SSC5D: variants seen among roughly 807,000 people sequenced by gnomAD.
SSC5D encodes scavenger receptor cysteine rich family member with 5 domains.
SSC5D carries 106 observed loss-of-function variants against 104.6 expected under a neutral mutation model. The ratio of observed to expected loss-of-function variants is 1.01; its 90% CI spans 0.87 to 1.19. The LOEUF (loss-of-function observed/expected upper bound fraction) is 1.19, where lower values mean the gene tolerates loss of function less well. SSC5D is among the 50% of genes most tolerant of loss of function. SSC5D has a pLI of 0.00. For missense variants in SSC5D, 1,993 were observed against 2,153.8 expected (o/e 0.93, Z 1.48); for synonymous variants, 860 against 883.5 (o/e 0.97, Z 0.47).
At position 55,518,759 on chromosome 19, in the gene SSC5D, G is replaced by A; in HGVS notation, c.4483G>A (p.Ala1495Thr). 6.4e-7 allele frequency: 1 copy of A among 1,550,918 alleles called. No individual in the cohort carries two copies. The highest frequency in any genetic ancestry group is 2.4e-5 in the East Asian group (1 of 40,920). Reference sequence around the variant, plus strand: ...GCCACCTGCCCTGGTGGAGCTGGTGGCTGCTGTGAGGGATGTGGGTGGTCA... The same window carrying A: ...GCCACCTGCCCTGGTGGAGCTGGTGACTGCTGTGAGGGATGTGGGTGGTCA... ...CEPPALVELV[A>T]AVRDVGGQLQ... The change falls in exon 14 of 14, where the codon GCT (alanine) becomes ACT (threonine). Residue 1495 changes from alanine to threonine, a missense_variant. Coordinates refer to ENST00000389623, the MANE Select transcript of SSC5D (RefSeq NM_001144950.2).
chr19:55,517,202 T>C (rs759906671), intron 13 of SSC5D, 22 bp from the exon 14 acceptor site: 2 of 1,528,450 alleles, frequency 1.3e-6, no homozygotes, highest in South Asian at 2.4e-5. Context: ...AGACCGTCCG[T>C]CTGTCTTTCC....
At chr19:55,517,179 G>A (rs1467268947) in intron 13 of SSC5D, 45 bp from the exon 14 acceptor site, 2 of 1,483,442 alleles carry the variant, frequency 1.3e-6, no homozygotes, top group Non-Finnish European at 1.8e-6. Flanking sequence ...GGTGGGCGGA[G>A]CCGGTTGACC....
At chr19:55,493,989 G>GGGGGGGGGGGGGGT in intron 7 of SSC5D, 77 bp downstream of exon 7, 1 of 314,438 alleles carries the variant, frequency 3.2e-6, no homozygotes, top group South Asian at 2.3e-5. Context: ...GGCGGGGGCG[G>GGGGGGGGGGGGGGT]GGGGGTCCCT....
chr19:55,517,469 A>G lies in SSC5D; in HGVS notation c.3193A>G (p.Thr1065Ala). Residue 1065 changes from threonine (T) to alanine (A), a missense_variant, in exon 14 of 14, where the codon ACA (threonine) becomes GCA (alanine). Physicochemically the swap from Thr to Ala is moderately conservative, Grantham distance 58. Transcript: ENST00000389623. ...ASRTNPDLIL[T>A]SPDFALSTPD... Reference sequence around the variant, plus strand: ...CCGGACGAACCCCGACCTCATCTTGACAAGCCCTGACTTTGCTTTGTCCAC... The same window carrying G: ...CCGGACGAACCCCGACCTCATCTTGGCAAGCCCTGACTTTGCTTTGTCCAC... 6.4e-7 allele frequency: 1 copy of G among 1,550,884 alleles called. No homozygotes were observed. The highest frequency in any genetic ancestry group is 8.7e-7 in the Non-Finnish European group (1 of 1,146,852).
At chr19:55,495,850 C>T (rs1373953882) in intron 8 of SSC5D, among the ~76,000 whole-genome samples, 2 of 151,760 alleles carry the variant, frequency 1.3e-5, no homozygotes, top group Non-Finnish European at 2.9e-5. Context: ...TCAAGTGATC[C>T]TCCCACCTCC....
chr19:55,510,945 A>G (rs1434057730), intron 12 of SSC5D, among the ~76,000 whole-genome samples: 3 of 151,824 alleles, frequency 2.0e-5, no homozygotes, highest in Admixed American at 2.0e-4. Flanking sequence ...TGCCCAGCTA[A>G]TTTTTGTATT....
In SSC5D at chr19:55,501,852, C is replaced by T. The variant is rs114854805; in HGVS notation, c.2785+651C>T. 3.9e-3 allele frequency among the ~76,000 whole-genome samples: 593 copies of T among 152,302 alleles called. 6 individuals are homozygous for T. Among genetic ancestry groups the T allele is most frequent in the African/African-American group, 0.014 (564 of 41,560 alleles). On this transcript the variant is annotated intron_variant, in intron 12 of 13. Transcript: ENST00000389623. ...GTATCCCCATCTCTCAGGATCCCTG[C>T]GAATCCATCTCTGCTCCTGTTTCTC...
Position 55,517,624 on chromosome 19 carries a change from G to A in SSC5D, c.3348G>A (p.Glu1116=). ...TGACCAGCCTTTCCCCTACCTCAGA[G>A]CAGGTCCCAGAATCTGACACAACCC... is the stretch of plus-strand genomic sequence containing the variant. ...SEVTSLSPTS[E]QVPESDTTPD... The change falls in exon 14 of 14, where the codon GAG becomes GAA. Residue 1116 remains glutamate, a synonymous_variant. Transcript: ENST00000389623. The A allele has an allele frequency of 6.4e-7, 1 of 1,551,572 alleles. No individual in the cohort carries two copies. Among genetic ancestry groups the A allele is most frequent in the Non-Finnish European group, 8.7e-7 (1 of 1,147,010 alleles).
chr19:55,489,456 G>A lies in SSC5D; in HGVS notation c.155G>A (p.Arg52His), dbSNP rs765104028. 312 of 1,481,054 alleles carry A rather than the reference G, an allele frequency of 2.1e-4. No individual in the cohort carries two copies. Among genetic ancestry groups the A allele is most frequent in the Non-Finnish European group, 2.7e-4 (309 of 1,123,788 alleles). The allele number at this position is 1,481,054 out of a possible 1,614,324, so 91.7% of individuals were successfully genotyped here. A position where few individuals can be genotyped will look rare whatever the true frequency, so the allele number is the denominator to read the frequency against. ...GTVCDDGWDL[R>H]DAAVACRQLG... The stretch of plus-strand genomic sequence containing the variant: ...GTGTGTGATGACGGCTGGGACCTGC[G>A]CGATGCCGCCGTGGCCTGCCGGCAG... The change falls in exon 3 of 14, where the codon CGC (arginine) becomes CAC (histidine). Residue 52 changes from arginine (R) to histidine (H), a missense_variant. Transcript: ENST00000389623.
intron 12 of SSC5D, chr19:55,504,084 G>A: frequency 6.5e-7 from 1 of 1,530,346 alleles, no homozygotes; most frequent in Non-Finnish European, 8.8e-7. Flanking sequence ...GTGGGCTCCA[G>A]CTGTGAGTTA....
Position 55,518,373 on chromosome 19 carries a change from TG to T in SSC5D, c.4098del (p.Thr1367ProfsTer17), listed in dbSNP as rs1258805551. 4 of 1,550,804 alleles carry T rather than the reference TG, an allele frequency of 2.6e-6. No individual in the cohort carries two copies. Among genetic ancestry groups the T allele is most frequent in the Non-Finnish European group, 3.5e-6 (4 of 1,146,818 alleles). ...GTCAAGCCCAGTCTGCACCCCCAGTTGACCTTCACAGCACCTGCCCCTCACA... is the reference window on the plus strand; with the variant it reads ...GTCAAGCCCAGTCTGCACCCCCAGTTACCTTCACAGCACCTGCCCCTCACA... Reference protein sequence around the residue: ...PTVKPSLHPQLTFTAPAPHTS... With the variant: ...PTVKPSLHPQXTFTAPAPHTS... On this transcript the variant is annotated frameshift_variant, in exon 14 of 14. Coordinates refer to ENST00000389623, the MANE Select transcript of SSC5D (RefSeq NM_001144950.2). LOFTEE classifies it low-confidence loss of function (END_TRUNC).
Position 55,517,251 on chromosome 19 carries a change from G to A in SSC5D, c.2975G>A (p.Arg992His). The A allele has an allele frequency of 6.5e-7, 1 of 1,541,950 alleles. No homozygotes were observed. The highest frequency in any genetic ancestry group is 2.4e-5 in the East Asian group (1 of 40,886). ...TGSPRKPWPERRPPRPAATRT... is the reference protein window; with the variant it reads ...TGSPRKPWPEHRPPRPAATRT... ...TCCCCGAGGAAACCGTGGCCCGAGCGCCGGCCACCGCGGCCCGCTGCGACC... is the reference window on the plus strand; with the variant it reads ...TCCCCGAGGAAACCGTGGCCCGAGCACCGGCCACCGCGGCCCGCTGCGACC... The change falls in exon 14 of 14, where the codon CGC becomes CAC. Residue 992 changes from arginine to histidine, a missense_variant. Physicochemically the swap from Arg to His is conservative, Grantham distance 29. This residue lies in a region of SSC5D where 423 missense variants were observed against 409.2 expected (regional missense o/e 1.03). Transcript: ENST00000389623.
intron 13 of SSC5D, 23 bp downstream of exon 13, chr19:55,513,195 G>A (rs920145086): frequency 1.4e-6 from 2 of 1,466,894 alleles, no homozygotes; most frequent in Non-Finnish European, 1.8e-6. Flanking sequence ...GCTGGGGTGA[G>A]GAGACTGGGA....
intron 6 of SSC5D, chr19:55,491,621 C>T (rs778270616): frequency 3.2e-5 from 5 of 156,472 alleles, no homozygotes; most frequent in Admixed American, 1.2e-4. Context: ...CATCTCCCCT[C>T]ATTCACGCCC....
chr19:55,490,327 G>A lies in SSC5D; in HGVS notation c.505G>A (p.Ala169Thr), dbSNP rs185293061. Residue 169 changes from alanine to threonine, a missense_variant, in exon 5 of 14, where the codon GCC becomes ACC. Physicochemically the swap from Ala to Thr is moderately conservative, Grantham distance 58 (BLOSUM62 0). Transcript: ENST00000389623. ...CCGCCCAGCTGGGAACCCCCAGAAC[G>A]CCTCCCGGAAGAAGAGCCCCCGGCC... is the stretch of plus-strand genomic sequence containing the variant. ...APRPAGNPQNASRKKSPRPKQ... is the reference protein window; with the variant it reads ...APRPAGNPQNTSRKKSPRPKQ... 1.6e-4 allele frequency: 241 copies of A among 1,468,652 alleles called. 3 individuals carry two copies. In the African/African-American group the frequency reaches 2.9e-3, roughly 18 times the overall value. The allele number at this position is 1,468,652 out of a possible 1,614,324, so 91.0% of individuals were successfully genotyped here.
chr19:55,512,124 C>T (rs575271016), intron 12 of SSC5D, among the ~76,000 whole-genome samples: 15 of 150,904 alleles, frequency 9.9e-5, no homozygotes, highest in Middle Eastern at 3.4e-3. Flanking sequence ...CACTTGACCC[C>T]GGGAGGCAGA....
chr19:55,517,016 C>A (rs1441405542), intron 13 of SSC5D, among the ~76,000 whole-genome samples: 2 of 152,172 alleles, frequency 1.3e-5, no homozygotes, highest in Non-Finnish European at 2.9e-5. Context: ...CGCATCCTCC[C>A]GCAGTGGAGG....
intron 7 of SSC5D, 80 bp from the exon 8 acceptor site, chr19:55,494,530 G>A (rs1987254851): frequency 7.1e-7 from 1 of 1,402,128 alleles, no homozygotes; most frequent in African/African-American, 1.5e-5. Context: ...GACTGAGGAA[G>A]GATGACGCAG....
chr19:55,505,737 T>TTTTA (rs1322726232), intron 12 of SSC5D, among the ~76,000 whole-genome samples: 1 of 151,714 alleles, frequency 6.6e-6, no homozygotes, highest in African/African-American at 2.4e-5. Context: ...GGTTCTCTGA[T>TTTTA]TTTATTTATT....
Sources: allele counts gnomAD v4.1 joint callset (sites outside exome capture counted in the v4.1 genomes callset), GRCh38; gene constraint gnomAD v4.1.1; regional missense constraint gnomAD v4.1.1; transcripts MANE v1.5; gene names NCBI Gene and HGNC (gene_info 2026-07-23, HGNC 2026-07-21).